ITIH2: variants seen among roughly 807,000 people sequenced by gnomAD.
ITIH2 encodes inter-alpha-trypsin inhibitor heavy chain H2.
Under a neutral mutation model 104.4 loss-of-function variants are expected in ITIH2, and 103 were observed. The ratio of observed to expected loss-of-function variants is 0.99; its 90% CI spans 0.84 to 1.16. ITIH2 has a LOEUF of 1.16. Among genes scored for constraint, ITIH2 ranks in the 50% most tolerant of loss-of-function variants. The probability of loss-of-function intolerance (pLI) is 0.00; values close to 1 mark genes in which losing one functional copy is unlikely to be tolerated. For missense variants in ITIH2, 1,108 were observed against 1,162.4 expected (o/e 0.95, Z 0.68); for synonymous variants, 436 against 435.4 (o/e 1.00, Z -0.02).
chr10:7,724,538 C>A (rs1224596748), intron 9 of ITIH2, among the ~76,000 whole-genome samples: 2 of 117,286 alleles, frequency 1.7e-5, no homozygotes, highest in Non-Finnish European at 3.3e-5. Context: ...CCATTGCACT[C>A]CAGCCTGGGC....
intron 20 of ITIH2, 76 bp downstream of exon 20, chr10:7,746,780 AAAG>A (rs533117170): frequency 4.9e-5 from 43 of 875,344 alleles, no homozygotes; most frequent in Non-Finnish European, 5.5e-5. Context: ...ATAGAGGAGC[AAAG>A]AAGAAGTGTC....
intron 2 of ITIH2, 88 bp from the exon 3 acceptor site, chr10:7,707,113 T>C (rs1834754231): frequency 1.2e-6 from 1 of 852,932 alleles, no homozygotes; most frequent in Non-Finnish European, 1.9e-6. Flanking sequence ...AAAAATAAAA[T>C]TTCTTTTTTG....
intron 8 of ITIH2, among the ~76,000 whole-genome samples, chr10:7,722,404 G>A (rs1564301482): frequency 1.3e-5 from 2 of 152,192 alleles, no homozygotes; most frequent in African/African-American, 2.4e-5. Flanking sequence ...CAGTCATCAA[G>A]CCTGCAGCAG....
chr10:7,704,308 T>G (rs531898948), intron 1 of ITIH2, among the ~76,000 whole-genome samples: 8 of 152,342 alleles, frequency 5.3e-5, no homozygotes, highest in East Asian at 1.9e-4. Context: ...AAAATATCAC[T>G]CTGTCTGCTT....
Position 7,748,521 on chromosome 10 carries a change from C to CTTTTTTTTTTTTTTTTTTTT in ITIH2, c.2694-648_2694-629dup, listed in dbSNP as rs549517172. On this transcript the variant is annotated intron_variant, in intron 20 of 20. Coordinates refer to ENST00000358415, the MANE Select transcript of ITIH2 (RefSeq NM_002216.3). ...AGTTAAGAGGTGCCGCCAATGCATT[C>CTTTTTTTTTTTTTTTTTTTT]TTTTTTTTTTTTTTTTTTTTTTTTT... is the stretch of plus-strand genomic sequence containing the variant. Among the ~76,000 whole-genome samples, 11 of 27,132 alleles carry CTTTTTTTTTTTTTTTTTTTT rather than the reference C, an allele frequency of 4.1e-4. 4 individuals carry two copies. Among genetic ancestry groups the CTTTTTTTTTTTTTTTTTTTT allele is most frequent in the African/African-American group, 6.0e-4 (4 of 6,622 alleles). 17.8% of individuals were successfully genotyped at this position (27,132 alleles called of 152,430 possible). A position where few individuals can be genotyped will look rare whatever the true frequency, so the allele number is the denominator to read the frequency against.
intron 15 of ITIH2, among the ~76,000 whole-genome samples, chr10:7,737,446 T>A (rs1839403117): frequency 7.1e-6 from 1 of 141,678 alleles, no homozygotes; most frequent in South Asian, 2.1e-4. Context: ...TATATATATA[T>A]AACAGATAAC....
In ITIH2 at chr10:7,705,105, A is replaced by G; in HGVS notation, c.85-3A>G. ...AAAAGTTAAAATCCTAATTTTTTTT[A>G]AGTTTGTAGACTATGAAGATCTTGT... On this transcript the variant is annotated splice_polypyrimidine_tract_variant and splice_region_variant and intron_variant, in intron 1 of 20. Coordinates refer to ENST00000358415, the MANE Select transcript of ITIH2 (RefSeq NM_002216.3). 8 of 1,581,330 alleles carry G rather than the reference A, an allele frequency of 5.1e-6. No homozygotes were observed. Among genetic ancestry groups the G allele is most frequent in the Non-Finnish European group, 6.9e-6 (8 of 1,165,274 alleles).
chr10:7,748,483 A>G (rs1835201514), intron 20 of ITIH2, among the ~76,000 whole-genome samples: 1 of 139,150 alleles, frequency 7.2e-6, no homozygotes, highest in Admixed American at 7.4e-5. Flanking sequence ...ACTCTTAAAC[A>G]CAGAGAAAGT....
Position 7,709,179 on chromosome 10 carries a change from C to A in ITIH2, c.350C>A (p.Ser117Tyr). 6.2e-7 allele frequency: 1 copy of A among 1,614,112 alleles called. No individual in the cohort carries two copies. Among genetic ancestry groups the A allele is most frequent in the Non-Finnish European group, 8.5e-7 (1 of 1,180,006 alleles). Residue 117 changes from serine to tyrosine, a missense_variant, in exon 4 of 21, where the codon TCC (serine) becomes TAC (tyrosine). Physicochemically the swap from Ser to Tyr is moderately radical, Grantham distance 144. Transcript: ENST00000358415. The stretch of plus-strand genomic sequence containing the variant: ...CAGATCCCCAAAGGAGCATTCATTT[C>A]CAACTTCTCCATGTGAGTAACTTCT... ...DVQIPKGAFI[S>Y]NFSMTVDGKT...
Position 7,719,495 on chromosome 10 carries a change from C to A in ITIH2, c.631-1361C>A, listed in dbSNP as rs147424371. Among the ~76,000 whole-genome samples, 79 of 152,190 alleles carry A rather than the reference C, an allele frequency of 5.2e-4. No individual in the cohort carries two copies. In the East Asian group the frequency reaches 0.01, roughly 19 times the overall value. On this transcript the variant is annotated intron_variant, in intron 6 of 20. Coordinates refer to ENST00000358415, the MANE Select transcript of ITIH2 (RefSeq NM_002216.3). Reference sequence around the variant, plus strand: ...AGCAATGGTTAGATGTGATTAGCATCTAAGCCTAGGAGGAGACAATCACTG... The same window carrying A: ...AGCAATGGTTAGATGTGATTAGCATATAAGCCTAGGAGGAGACAATCACTG...
chr10:7,710,513 C>A (rs1020008393), intron 4 of ITIH2, among the ~76,000 whole-genome samples: 2 of 152,118 alleles, frequency 1.3e-5, no homozygotes, highest in African/African-American at 4.8e-5. Context: ...AAGTACTGTG[C>A]ATAAAGTCTG....
intron 9 of ITIH2, among the ~76,000 whole-genome samples, chr10:7,725,726 G>C (rs151244933): frequency 4.6e-5 from 7 of 152,180 alleles, no homozygotes; most frequent in African/African-American, 1.7e-4. Context: ...TACCCACGTT[G>C]GCCATGGAAG....
rs1203706976 is a variant in ITIH2 at position 7,735,060 on chromosome 10, T to C, written c.1926T>C (p.Asp642=). Residue 642 remains aspartate (D), a synonymous_variant, in exon 15 of 21, where the codon GAT becomes GAC. Coordinates refer to ENST00000358415, the MANE Select transcript of ITIH2 (RefSeq NM_002216.3). ...CTGGGGATGAGCGCATGCTGGCGGA[T>C]GCCCCACCGCAGGATCCCTCCTGCT... ...NEAGDERMLA[D]APPQDPSCCS... is the part of the protein sequence containing the mutation. The C allele has an allele frequency of 3.1e-6, 5 of 1,611,546 alleles. No homozygotes were observed. Among genetic ancestry groups the C allele is most frequent in the Non-Finnish European group, 4.2e-6 (5 of 1,179,942 alleles).
chr10:7,722,712 A>C, intron 8 of ITIH2, among the ~76,000 whole-genome samples: 1 of 152,126 alleles, frequency 6.6e-6, no homozygotes, highest in Non-Finnish European at 1.5e-5. Flanking sequence ...GCTCATCCTT[A>C]GGTCCCAGTG....
intron 2 of ITIH2, among the ~76,000 whole-genome samples, chr10:7,705,838 C>A (rs1018670066): frequency 6.6e-6 from 1 of 152,186 alleles, no homozygotes; most frequent in Middle Eastern, 3.2e-3. Context: ...GACACTCCCC[C>A]TTGCAGCCTC....
chr10:7,744,096 G>T lies in ITIH2; in HGVS notation c.2224G>T (p.Gly742Cys), dbSNP rs750541386. The change falls in exon 18 of 21, where the codon GGT becomes TGT. Residue 742 changes from glycine (G) to cysteine (C), a missense_variant. Transcript: ENST00000358415. ...SDPESGIVVN[G>C]QLVGAKKPNN... ...CTTTCCTGTAGGAATTGTAGTCAAC[G>T]GTCAGCTTGTTGGTGCCAAGAAGCC... 4 of 1,613,728 alleles carry T rather than the reference G, an allele frequency of 2.5e-6. No homozygotes were observed. Among genetic ancestry groups the T allele is most frequent in the South Asian group, 1.1e-5 (1 of 91,056 alleles).
rs764763298 is a variant in ITIH2, at chr10:7,730,115, C to T, written c.1443C>T (p.Asp481=). The T allele has an allele frequency of 6.3e-7, 1 of 1,595,642 alleles. No homozygotes were observed. Among genetic ancestry groups the T allele is most frequent in the Non-Finnish European group, 8.5e-7 (1 of 1,174,118 alleles). The part of the protein sequence containing the change: ...GIAQRIYGNQ[D]TSSQLKKFYN... The stretch of plus-strand genomic sequence containing the variant: ...CACAAAGGATTTATGGAAACCAGGA[C>T]ACGTCTTCCCAGCTTAAGGTAACAT... Residue 481 remains aspartate, a synonymous_variant, in exon 12 of 21, where the codon GAC becomes GAT. Transcript: ENST00000358415.
chr10:7,713,943 C>T (rs866793764), intron 5 of ITIH2, among the ~76,000 whole-genome samples: 1 of 152,070 alleles, frequency 6.6e-6, no homozygotes, highest in South Asian at 2.1e-4. Flanking sequence ...CCCATGTCAG[C>T]CTCCCAAAGT....
At chr10:7,703,700 C>T (rs991742698) in intron 1 of ITIH2, among the ~76,000 whole-genome samples, 182 bp downstream of exon 1, 4 of 152,148 alleles carry the variant, frequency 2.6e-5, no homozygotes, top group African/African-American at 9.7e-5. Context: ...AAAGCATTAA[C>T]AGGTTTTGCA....
Sources: allele counts gnomAD v4.1 joint callset (sites outside exome capture counted in the v4.1 genomes callset), GRCh38; gene constraint gnomAD v4.1.1; transcripts MANE v1.5; gene names NCBI Gene and HGNC (gene_info 2026-07-23, HGNC 2026-07-21).